STK3: variants seen among roughly 807,000 people sequenced by gnomAD.
STK3 encodes serine/threonine kinase 3.
STK3 carries 41 observed loss-of-function variants against 58.0 expected under a neutral mutation model. The ratio of observed to expected loss-of-function variants is 0.71; its 90% CI spans 0.55 to 0.92. The LOEUF is 0.92. Among genes scored for constraint, STK3 ranks in the 40% least tolerant of loss-of-function variants. The pLI is 0.00. For synonymous variants in STK3, 170 were observed against 191.0 expected, an observed-to-expected ratio of 0.89 and a Z score of 0.91; for missense variants, 479 against 602.7, an observed-to-expected ratio of 0.79 and a Z score of 2.15.
rs1008810790 is a variant in STK3 at position 98,597,701 on chromosome 8, G to A, written c.685-1532C>T. On this transcript the variant is annotated intron_variant, in intron 6 of 10. Coordinates refer to ENST00000419617, the MANE Select transcript of STK3 (RefSeq NM_006281.4). ...CTTTTGCGTGAGCTCTATCTAGCCT[G>A]GCTCAATTATCTACTTTATGTGATG... is the stretch of plus-strand genomic sequence containing the variant. 6.1e-6 allele frequency: 6 copies of A among 985,166 alleles called. No individual in the cohort carries two copies. The African/African-American group carries it at 1.0e-4, about 17-fold the overall frequency. 61.0% of individuals were successfully genotyped at this position (985,166 alleles called of 1,614,324 possible). A position where few individuals can be genotyped will look rare whatever the true frequency, so the allele number is the denominator to read the frequency against.
chr8:98,637,468 G>A (rs933841532), intron 6 of STK3, among the ~76,000 whole-genome samples: 18 of 152,096 alleles, frequency 1.2e-4, no homozygotes, highest in African/African-American at 4.3e-4. Context: ...TCATACAGTG[G>A]CTACAGAGCA....
At chr8:98,808,962 C>T (rs917465243) in intron 1 of STK3, among the ~76,000 whole-genome samples, 1 of 152,058 alleles carries the variant, frequency 6.6e-6, no homozygotes, top group Admixed American at 6.5e-5. Flanking sequence ...TCACCAATGA[C>T]CAATAATTTA....
chr8:98,807,463 G>A (rs557276047), intron 1 of STK3, among the ~76,000 whole-genome samples: 1 of 152,000 alleles, frequency 6.6e-6, no homozygotes, highest in African/African-American at 2.4e-5. Flanking sequence ...TCGCCATGTT[G>A]GCCAGGCTGG....
At chr8:98,497,929 C>T (rs1823269993) in intron 10 of STK3, among the ~76,000 whole-genome samples, 1 of 152,154 alleles carries the variant, frequency 6.6e-6, no homozygotes, top group African/African-American at 2.4e-5. Context: ...CAATTCTTCT[C>T]CTAGGTATAC....
intron 3 of STK3, among the ~76,000 whole-genome samples, chr8:98,869,139 C>T (rs1035784347): frequency 5.9e-5 from 9 of 151,910 alleles, no homozygotes; most frequent in South Asian, 2.1e-4. Flanking sequence ...AAGAATCTCA[C>T]GCTGGGTCTG....
chr8:98,827,556 A>T (rs1226037193), upstream of STK3, among the ~76,000 whole-genome samples: 1 of 152,214 alleles, frequency 6.6e-6, no homozygotes, highest in Non-Finnish European at 1.5e-5. Flanking sequence ...CTATGTAATA[A>T]ACTTACACTA....
At chr8:98,931,173 T>C (rs1396920287) in intron 1 of STK3, among the ~76,000 whole-genome samples, 1 of 152,144 alleles carries the variant, frequency 6.6e-6, no homozygotes, top group East Asian at 1.9e-4. Flanking sequence ...GATAGTGCAG[T>C]GGCCAAGGGA....
chr8:98,564,025 G>A (rs1048220328), intron 8 of STK3, among the ~76,000 whole-genome samples: 1 of 152,076 alleles, frequency 6.6e-6, no homozygotes, highest in South Asian at 2.1e-4. Flanking sequence ...TAATTTTACT[G>A]TAAAGAAACA....
intron 6 of STK3, among the ~76,000 whole-genome samples, chr8:98,652,720 T>C (rs56048656): frequency 0.032 from 4,670 of 147,816 alleles, 81 homozygotes; most frequent in South Asian, 0.05. Flanking sequence ...CAACAAAGAT[T>C]AAAAGAGACA....
At chr8:98,665,464 A>G (rs1822269095) in intron 6 of STK3, among the ~76,000 whole-genome samples, 1 of 151,266 alleles carries the variant, frequency 6.6e-6, no homozygotes, top group Non-Finnish European at 1.5e-5. Flanking sequence ...TGGCACAATC[A>G]TGACTCACTG....
intron 1 of STK3, among the ~76,000 whole-genome samples, chr8:98,380,973 T>C (rs963195081): frequency 2.1e-5 from 3 of 140,786 alleles, no homozygotes; most frequent in African/African-American, 7.9e-5. Context: ...CTTTTTTTTT[T>C]TTTTTTTTTT....
intron 6 of STK3, among the ~76,000 whole-genome samples, chr8:98,699,894 G>C (rs1215104465): frequency 1.3e-5 from 2 of 152,176 alleles, no homozygotes; most frequent in Non-Finnish European, 2.9e-5. Context: ...TCTCTTCAAA[G>C]CTGTCAGACA....
chr8:98,360,297 T>C, the STK3 span, among the ~76,000 whole-genome samples: 1 of 152,190 alleles, frequency 6.6e-6, no homozygotes, highest in Non-Finnish European at 1.5e-5. Flanking sequence ...TTATCTCTCT[T>C]GCACCATTTG....
chr8:98,778,657 T>A (rs1434987468), intron 1 of STK3, among the ~76,000 whole-genome samples: 1 of 152,022 alleles, frequency 6.6e-6, no homozygotes, highest in Non-Finnish European at 1.5e-5. Flanking sequence ...TAGACTGGAT[T>A]AAGAAAATGT....
At chr8:98,866,248 T>C (rs1394899126) in intron 3 of STK3, among the ~76,000 whole-genome samples, 1 of 152,210 alleles carries the variant, frequency 6.6e-6, no homozygotes, top group Admixed American at 6.5e-5. Context: ...GTAGTGGCCT[T>C]ACATCATCAA....
downstream of STK3, among the ~76,000 whole-genome samples, chr8:98,368,086 G>C (rs1325788309): frequency 6.6e-6 from 1 of 152,160 alleles, no homozygotes; most frequent in Admixed American, 6.5e-5. Flanking sequence ...AAACAGCAGT[G>C]GGGAGGACAG....
chr8:98,682,248 G>A (rs1823693693), intron 6 of STK3, among the ~76,000 whole-genome samples: 1 of 152,114 alleles, frequency 6.6e-6, no homozygotes, highest in Admixed American at 6.5e-5. Flanking sequence ...TAATAAAAAT[G>A]AAGAAAAACC....
chr8:98,615,113 T>G (rs1817574847), intron 6 of STK3, among the ~76,000 whole-genome samples: 1 of 151,888 alleles, frequency 6.6e-6, no homozygotes, highest in Non-Finnish European at 1.5e-5. Flanking sequence ...GCTGGAGATC[T>G]GAGAACGGGC....
At chr8:98,697,851 T>C (rs1271177047) in intron 6 of STK3, among the ~76,000 whole-genome samples, 1 of 152,090 alleles carries the variant, frequency 6.6e-6, no homozygotes, top group East Asian at 1.9e-4. Context: ...TGATTTGGGG[T>C]GGAGAGTTCT....
Sources: gnomAD v4.1 joint callset for allele counts (sites outside exome capture counted in the v4.1 genomes callset) on GRCh38, gnomAD v4.1.1 for gene constraint, MANE v1.5 for transcripts, NCBI Gene and HGNC (gene_info 2026-07-23, HGNC 2026-07-21) for gene names.